METTL25: variants seen among roughly 807,000 people sequenced by gnomAD.
METTL25 encodes the protein methyltransferase like 25, also known as probable methyltransferase-like protein 25.
A neutral mutation model predicts 71.6 loss-of-function variants in METTL25; 64 were observed. That is an observed-to-expected ratio of 0.89 (90% CI 0.73 to 1.10). The LOEUF (loss-of-function observed/expected upper bound fraction) is 1.10. Ranked by LOEUF, METTL25 falls within the 50% of genes least tolerant of loss-of-function variation. The probability of loss-of-function intolerance (pLI) is 0.00; values close to 1 mark genes in which losing one functional copy is unlikely to be tolerated. For missense variants in METTL25, 807 were observed against 707.0 expected, an observed-to-expected ratio of 1.14 and a Z score of -1.60; for synonymous variants, 287 against 250.3, an observed-to-expected ratio of 1.15 and a Z score of -1.38.
intron 4 of METTL25, among the ~76,000 whole-genome samples, chr12:82,399,769 A>G (rs878914957): frequency 2.0e-5 from 3 of 152,172 alleles, no homozygotes; most frequent in Admixed American, 2.0e-4. Context: ...ACACTTGCCA[A>G]TATGGAATTT....
chr12:82,386,963 A>C lies in METTL25; in HGVS notation c.420A>C (p.Arg140Ser). The C allele has an allele frequency of 1.9e-6, 3 of 1,612,168 alleles. No homozygotes were observed. The highest frequency in any genetic ancestry group is 1.7e-6 in the Non-Finnish European group (2 of 1,178,956). The change falls in exon 2 of 12, where the codon AGA becomes AGC. Residue 140 changes from arginine (R) to serine (S), a missense_variant. By Grantham distance (110) the Arg-to-Ser change is moderately radical (BLOSUM62 -1). Transcript: ENST00000248306. ...CCCTTCGAGGAAATCAAAACCAGAG[A>C]ATTGGTATGTCTATTTATGTGTGTG... is the stretch of plus-strand genomic sequence containing the variant. ...LVALRGNQNQ[R>S]IGENQKAVEF...
chr12:82,398,987 A>G lies in METTL25; in HGVS notation c.724A>G (p.Met242Val), dbSNP rs758780496. ...RLDVNGLALK[M>V]AKERKVQNKV... ...AGATGTCAATGGACTAGCATTAAAA[A>G]TGGCAAAAGAAAGGAAAGTGCAAAA... Residue 242 changes from methionine (M) to valine (V), a missense_variant, in exon 4 of 12, where the codon ATG (methionine) becomes GTG (valine). Coordinates refer to ENST00000248306, the MANE Select transcript of METTL25 (RefSeq NM_032230.3). 2 of 1,608,464 alleles carry G rather than the reference A, an allele frequency of 1.2e-6. No individual in the cohort carries two copies. Among genetic ancestry groups the G allele is most frequent in the East Asian group, 4.5e-5 (2 of 44,712 alleles).
At chr12:82,456,560 A>G (rs972844015) in intron 8 of METTL25, among the ~76,000 whole-genome samples, 167 bp from the exon 9 acceptor site, 2 of 152,016 alleles carry the variant, frequency 1.3e-5, no homozygotes, top group African/African-American at 4.8e-5. Flanking sequence ...TGAATACATT[A>G]TAACATGTAA....
At chr12:82,363,655 C>A (rs1419195820) in intron 1 of METTL25, among the ~76,000 whole-genome samples, 1 of 151,648 alleles carries the variant, frequency 6.6e-6, no homozygotes, top group Non-Finnish European at 1.5e-5. Context: ...CACCACAAAT[C>A]CTTAGGAAAA....
chr12:82,398,745 A>G (rs201228841), intron 3 of METTL25, 50 bp from the exon 4 acceptor site: 17 of 1,283,274 alleles, frequency 1.3e-5, no homozygotes, highest in Admixed American at 1.1e-4. Context: ...AATGCTTTCT[A>G]TTACCATTTG....
At chr12:82,435,260 A>T (rs1889831251) in intron 7 of METTL25, among the ~76,000 whole-genome samples, 1 of 151,388 alleles carries the variant, frequency 6.6e-6, no homozygotes, top group South Asian at 2.1e-4. Context: ...TTTTTTTAAG[A>T]GTTTTTGGAC....
At chr12:82,468,953 A>G (rs141441476) in intron 9 of METTL25, 1 of 152,456 alleles carries the variant, frequency 6.6e-6, no homozygotes, top group East Asian at 1.9e-4. Context: ...CTCAGCCAAT[A>G]GAAACCTAGA....
At position 82,380,517 on chromosome 12, in the gene METTL25, A is replaced by G. The variant is rs925710893; in HGVS notation, c.260-6286A>G. 4.6e-5 allele frequency among the ~76,000 whole-genome samples: 7 copies of G among 152,206 alleles called. No homozygotes were observed. In the East Asian group the frequency reaches 1.4e-3, roughly 29 times the overall value. On this transcript the variant is annotated intron_variant, in intron 1 of 11. Transcript: ENST00000248306. ...TATATGTGTATATATGTATTTGTTT[A>G]TGTGTGTGAATTACATAAAACAACC...
chr12:82,407,754 A>T, intron 5 of METTL25: 1 of 946,322 alleles, frequency 1.1e-6, no homozygotes, highest in Non-Finnish European at 1.3e-6. Context: ...GCCAAGAGAT[A>T]AGAGAAAAAT....
intron 5 of METTL25, among the ~76,000 whole-genome samples, chr12:82,420,393 TAATG>T (rs1485548661): frequency 6.6e-6 from 1 of 152,134 alleles, no homozygotes; most frequent in African/African-American, 2.4e-5. Context: ...CTTTTAAAGG[TAATG>T]AATAAGTTTT....
intron 9 of METTL25, among the ~76,000 whole-genome samples, chr12:82,458,821 C>G (rs1891667037): frequency 6.6e-6 from 1 of 152,058 alleles, no homozygotes; most frequent in African/African-American, 2.4e-5. Context: ...TAGGTCCAGC[C>G]AAATCTAACT....
intron 5 of METTL25, 62 bp downstream of exon 5, chr12:82,403,192 T>A (rs1376483943): frequency 6.8e-7 from 1 of 1,474,020 alleles, no homozygotes; most frequent in East Asian, 2.3e-5. Flanking sequence ...ATGCTATTTC[T>A]ATTTTCTATT....
At chr12:82,475,744 T>C (rs1892844250) in intron 9 of METTL25, among the ~76,000 whole-genome samples, 2 of 152,150 alleles carry the variant, frequency 1.3e-5, no homozygotes, top group African/African-American at 4.8e-5. Flanking sequence ...TCATATTTCA[T>C]TTGTTATGTA....
At chr12:82,467,968 C>CT (rs991697711) in intron 9 of METTL25, among the ~76,000 whole-genome samples, 18 of 151,474 alleles carry the variant, frequency 1.2e-4, no homozygotes, top group East Asian at 1.2e-3. Flanking sequence ...AGCCTATAGG[C>CT]TTTTTTTTAT....
intron 1 of METTL25, among the ~76,000 whole-genome samples, chr12:82,367,480 C>T (rs752560395): frequency 6.6e-6 from 1 of 152,186 alleles, no homozygotes; most frequent in East Asian, 1.9e-4. Context: ...CATTATTATT[C>T]TTCCTGTTAC....
At chr12:82,389,394 C>T (rs990552735) in intron 2 of METTL25, among the ~76,000 whole-genome samples, 31 of 152,086 alleles carry the variant, frequency 2.0e-4, no homozygotes, top group African/African-American at 7.0e-4. Flanking sequence ...AAGTTTTTTT[C>T]CCCACTTTTC....
chr12:82,397,721 G>A (rs945134173), intron 3 of METTL25, among the ~76,000 whole-genome samples: 16 of 151,640 alleles, frequency 1.1e-4, no homozygotes, highest in African/African-American at 3.6e-4. Context: ...ATTATCTTGG[G>A]CACTTTGTCC....
chr12:82,418,317 T>A (rs1171521589), intron 5 of METTL25, among the ~76,000 whole-genome samples: 1 of 152,140 alleles, frequency 6.6e-6, no homozygotes, highest in African/African-American at 2.4e-5. Context: ...GATAAATATA[T>A]TGTACATGTT....
chr12:82,427,376 G>A (rs1470967748), intron 5 of METTL25, among the ~76,000 whole-genome samples: 1 of 151,880 alleles, frequency 6.6e-6, no homozygotes, highest in Non-Finnish European at 1.5e-5. Context: ...AAGAATTTGG[G>A]AGTATACTTG....
Sources: gnomAD v4.1 joint callset for allele counts (sites outside exome capture counted in the v4.1 genomes callset) on GRCh38, gnomAD v4.1.1 for gene constraint, MANE v1.5 for transcripts, NCBI Gene and HGNC (gene_info 2026-07-23, HGNC 2026-07-21) for gene names.